The following GALNT2 variants were observed in gnomAD, a reference collection of about 807,000 sequenced individuals.
GALNT2 encodes the protein UDP-GalNAc:polypeptide N-acetylgalactosaminyltransferase 2.
GALNT2 carries 31 observed loss-of-function variants against 81.4 expected under a neutral mutation model. The observed-to-expected ratio is 0.38, with a 90% CI of 0.29 to 0.51. The LOEUF is 0.51. Among genes scored for constraint, GALNT2 ranks in the 20% least tolerant of loss-of-function variants. The probability of loss-of-function intolerance (pLI) is 0.87; values close to 1 mark genes in which losing one functional copy is unlikely to be tolerated. For synonymous variants in GALNT2, 303 were observed against 287.4 expected, an observed-to-expected ratio of 1.05 and a Z score of -0.55; for missense variants, 629 against 765.7, an observed-to-expected ratio of 0.82 and a Z score of 2.11.
chr1:230,177,057 G>T (rs1239607558), intron 1 of GALNT2, among the ~76,000 whole-genome samples: 2 of 152,222 alleles, frequency 1.3e-5, no homozygotes. Context: ...AAGAGATGGG[G>T]GAGTCTTAGG....
chr1:230,210,860 T>A (rs1664212440), intron 3 of GALNT2, among the ~76,000 whole-genome samples: 1 of 152,226 alleles, frequency 6.6e-6, no homozygotes, highest in African/African-American at 2.4e-5. Flanking sequence ...GAGTGGCTAA[T>A]CAGGATTAAG....
chr1:230,093,512 C>T lies in GALNT2; in HGVS notation c.126+26106C>T, dbSNP rs572719988. ...ACTAGATCGGCTGCGGGCTGTGTTC[C>T]CTGGGCTTCCTGCTGCTTCACTCCT... On this transcript the variant is annotated intron_variant, in intron 1 of 15. Coordinates refer to ENST00000366672, the MANE Select transcript of GALNT2 (RefSeq NM_004481.5). Among the ~76,000 whole-genome samples, 20 of 152,298 alleles carry T rather than the reference C, an allele frequency of 1.3e-4. 1 individual carries two copies. In the South Asian group the frequency reaches 4.1e-3, roughly 32 times the overall value.
At chr1:230,229,338 A>G (rs1664806113) in intron 3 of GALNT2, among the ~76,000 whole-genome samples, 1 of 152,242 alleles carries the variant, frequency 6.6e-6, no homozygotes, top group Non-Finnish European at 1.5e-5. Flanking sequence ...ATATAAGATG[A>G]TATGTGGCCT....
intron 3 of GALNT2, among the ~76,000 whole-genome samples, chr1:230,221,906 A>T (rs1558147167): frequency 6.6e-6 from 1 of 151,876 alleles, no homozygotes; most frequent in Non-Finnish European, 1.5e-5. Context: ...TTAATTATAA[A>T]CTTTTCATTT....
At chr1:230,087,262 C>T (rs1659928189) in intron 1 of GALNT2, among the ~76,000 whole-genome samples, 1 of 152,226 alleles carries the variant, frequency 6.6e-6, no homozygotes, top group African/African-American at 2.4e-5. Flanking sequence ...ATTTTAAGAG[C>T]TCCCTCATCT....
At chr1:230,143,334 A>G (rs1661808607) in intron 1 of GALNT2, among the ~76,000 whole-genome samples, 1 of 152,160 alleles carries the variant, frequency 6.6e-6, no homozygotes, top group African/African-American at 2.4e-5. Flanking sequence ...TTGGTAAGAG[A>G]TGTCCAGTTG....
chr1:230,258,431 G>A (rs1665781609), intron 11 of GALNT2, among the ~76,000 whole-genome samples: 2 of 150,692 alleles, frequency 1.3e-5, no homozygotes, highest in Admixed American at 1.3e-4. Context: ...CTCCATGTTG[G>A]CCAAACTGGT....
chr1:230,093,677 G>A (rs1476315607), intron 1 of GALNT2, among the ~76,000 whole-genome samples: 1 of 152,194 alleles, frequency 6.6e-6, no homozygotes, highest in Non-Finnish European at 1.5e-5. Flanking sequence ...ATGACAGATC[G>A]AATACCCAAT....
At chr1:230,058,898 C>G (rs1405263281) in intron 1 of GALNT2, among the ~76,000 whole-genome samples, 1 of 152,120 alleles carries the variant, frequency 6.6e-6, no homozygotes, top group Non-Finnish European at 1.5e-5. Flanking sequence ...ATTGTGGGTC[C>G]TGGGAGTATG....
chr1:230,146,223 C>T (rs142119223), intron 1 of GALNT2, among the ~76,000 whole-genome samples: 1 of 152,132 alleles, frequency 6.6e-6, no homozygotes, highest in Non-Finnish European at 1.5e-5. Flanking sequence ...TTTCCCCTCC[C>T]TTTTCATGTA....
intron 1 of GALNT2, among the ~76,000 whole-genome samples, chr1:230,136,002 C>G (rs1427339928): frequency 6.6e-6 from 1 of 152,184 alleles, no homozygotes; most frequent in East Asian, 1.9e-4. Context: ...CAAGTGCTCT[C>G]TTTCTGATCC....
At chr1:230,156,585 G>T (rs150884209) in intron 1 of GALNT2, among the ~76,000 whole-genome samples, 59 of 152,248 alleles carry the variant, frequency 3.9e-4, no homozygotes, top group Non-Finnish European at 7.1e-4. Flanking sequence ...GTTTGTCACG[G>T]ATCAATTTAT....
intron 3 of GALNT2, among the ~76,000 whole-genome samples, chr1:230,234,622 A>G (rs1052114079): frequency 2.0e-5 from 3 of 152,208 alleles, no homozygotes; most frequent in Admixed American, 2.0e-4. Context: ...TTCTGAAACC[A>G]AAGCCTCTTT....
chr1:230,178,968 T>C (rs960251719), intron 2 of GALNT2, among the ~76,000 whole-genome samples: 7 of 152,068 alleles, frequency 4.6e-5, no homozygotes, highest in African/African-American at 1.7e-4. Flanking sequence ...GATCCTTTTG[T>C]TGCCTCTGAA....
chr1:230,162,236 C>T (rs1423134239), intron 1 of GALNT2, among the ~76,000 whole-genome samples: 1 of 152,162 alleles, frequency 6.6e-6, no homozygotes, highest in Non-Finnish European at 1.5e-5. Flanking sequence ...TCATCTGGTC[C>T]AACACATGCC....
intron 3 of GALNT2, among the ~76,000 whole-genome samples, chr1:230,229,628 G>A (rs1048842552): frequency 6.6e-6 from 1 of 152,192 alleles, no homozygotes; most frequent in Admixed American, 6.5e-5. Context: ...AGTGTCCACT[G>A]CAGCGTTGTT....
At chr1:230,109,936 C>G (rs1471744685) in intron 1 of GALNT2, among the ~76,000 whole-genome samples, 1 of 152,136 alleles carries the variant, frequency 6.6e-6, no homozygotes, top group Non-Finnish European at 1.5e-5. Context: ...TTGACCTCTT[C>G]TGGGACGCGT....
chr1:230,276,281 C>G (rs16851313), intron 15 of GALNT2, among the ~76,000 whole-genome samples: 6,502 of 152,176 alleles, frequency 0.043, 181 homozygotes, highest in Middle Eastern at 0.071. Flanking sequence ...TGGACACACC[C>G]TTTCTCAAGG....
chr1:230,139,744 G>A (rs927484359), intron 1 of GALNT2, among the ~76,000 whole-genome samples: 2 of 152,230 alleles, frequency 1.3e-5, no homozygotes, highest in African/African-American at 4.8e-5. Flanking sequence ...ATGGACTAAG[G>A]GGTAAGGAAG....
Sources: allele counts gnomAD v4.1 joint callset (sites outside exome capture counted in the v4.1 genomes callset), GRCh38; gene constraint gnomAD v4.1.1; transcripts MANE v1.5; gene names NCBI Gene and HGNC (gene_info 2026-07-23, HGNC 2026-07-21).